The following ARMH3 variants were observed in gnomAD, a reference collection of about 807,000 sequenced individuals.
The protein encoded by ARMH3 is armadillo-like helical domain-containing protein 3.
A neutral mutation model predicts 99.1 loss-of-function variants in ARMH3; 60 were observed. The observed-to-expected ratio is 0.61, with a 90% CI of 0.49 to 0.75. The LOEUF (loss-of-function observed/expected upper bound fraction) is 0.75, where lower values mean the gene tolerates loss of function less well. Ranked by LOEUF, ARMH3 falls within the 30% of genes least tolerant of loss-of-function variation. The pLI is 0.00. For missense variants in ARMH3, 679 were observed against 843.1 expected (o/e 0.81, Z 2.41); for synonymous variants, 285 against 292.8 (o/e 0.97, Z 0.27).
intron 23 of ARMH3, 84 bp from the exon 24 acceptor site, chr10:101,889,574 G>A: frequency 8.0e-7 from 1 of 1,252,666 alleles, no homozygotes; most frequent in South Asian, 1.2e-5. Flanking sequence ...AGTACCCTCT[G>A]GTTTAGAGTA....
intron 13 of ARMH3, among the ~76,000 whole-genome samples, chr10:102,007,159 C>CAAAAAAAAAAAAAAAAAAAAAAAAA (rs10639768): frequency 3.3e-5 from 2 of 60,046 alleles, no homozygotes; most frequent in Non-Finnish European, 5.7e-5. Flanking sequence ...GACTCTATCT[C>CAAAAAAAAAAAAAAAAAAAAAAAAA]AAAAAAAAAA....
chr10:102,026,083 G>A (rs544757326), intron 5 of ARMH3, among the ~76,000 whole-genome samples: 3 of 152,228 alleles, frequency 2.0e-5, no homozygotes, highest in East Asian at 3.9e-4. Context: ...CCTGGTCTCC[G>A]CTTGGCAATG....
At position 101,854,100 on chromosome 10, in the gene ARMH3, G is replaced by A. The variant is rs191756130; in HGVS notation, c.1861-4208C>T. On this transcript the variant is annotated intron_variant, in intron 24 of 25. Transcript: ENST00000370033. ...TGCACTCCAGCCTGGGCAACAGAGC[G>A]AGACTCCGTCTCAAAAAAAAAGAAA... 1.9e-4 allele frequency among the ~76,000 whole-genome samples: 29 copies of A among 152,126 alleles called. No individual in the cohort carries two copies. The East Asian group carries it at 4.8e-3, about 25-fold the overall frequency.
chr10:101,995,833 C>T (rs1245380931), intron 15 of ARMH3, among the ~76,000 whole-genome samples: 2 of 152,200 alleles, frequency 1.3e-5, no homozygotes, highest in Admixed American at 1.3e-4. Context: ...TAGGGTCCAG[C>T]CCACGCTTCT....
intron 1 of ARMH3, among the ~76,000 whole-genome samples, chr10:102,044,813 AG>A (rs1463324989): frequency 6.6e-6 from 1 of 152,188 alleles, no homozygotes; most frequent in Non-Finnish European, 1.5e-5. Context: ...AAAAGAAAAA[AG>A]GAAGGGGAAA....
intron 15 of ARMH3, among the ~76,000 whole-genome samples, chr10:101,996,949 G>C (rs1847087402): frequency 6.6e-6 from 1 of 152,140 alleles, no homozygotes; most frequent in African/African-American, 2.4e-5. Context: ...AGTAATAAAG[G>C]CTTTAAAAGC....
intron 20 of ARMH3, among the ~76,000 whole-genome samples, chr10:101,962,022 CAG>C (rs1845319805): frequency 6.6e-6 from 1 of 152,182 alleles, no homozygotes; most frequent in Non-Finnish European, 1.5e-5. Context: ...AGGGCTAATA[CAG>C]GATTCTTCAC....
chr10:102,053,526 G>A (rs1440186976), intron 1 of ARMH3, among the ~76,000 whole-genome samples: 1 of 151,908 alleles, frequency 6.6e-6, no homozygotes, highest in Admixed American at 6.6e-5. Flanking sequence ...TAAGCCACCA[G>A]GCCGAGTAAA....
rs761340611 is a variant in ARMH3, at chr10:102,029,764, G to T, written c.307-19C>A. 1 of 1,604,218 alleles carries T rather than the reference G, an allele frequency of 6.2e-7. No homozygotes were observed. The highest frequency in any genetic ancestry group is 2.2e-5 in the East Asian group (1 of 44,676). On this transcript the variant is annotated intron_variant, in intron 4 of 25. Coordinates refer to ENST00000370033, the MANE Select transcript of ARMH3 (RefSeq NM_024541.3). ...ACAGGGTCTGCAGAAATGAGAGAAA[G>T]AATTCTTTCTGGAGAGGAAGTCTCA...
At chr10:101,909,433 G>A (rs1336407448) in intron 23 of ARMH3, among the ~76,000 whole-genome samples, 2 of 135,386 alleles carry the variant, frequency 1.5e-5, no homozygotes, top group Admixed American at 1.5e-4. Flanking sequence ...AAAAAAAAGA[G>A]ACCAGAGGAA....
chr10:101,929,576 G>A (rs1199347180), intron 23 of ARMH3, among the ~76,000 whole-genome samples: 1 of 152,110 alleles, frequency 6.6e-6, no homozygotes, highest in Non-Finnish European at 1.5e-5. Context: ...CAGTTGCATA[G>A]GAGTAACATT....
intron 24 of ARMH3, among the ~76,000 whole-genome samples, chr10:101,879,218 T>C (rs2135401191): frequency 6.6e-6 from 1 of 152,322 alleles, no homozygotes; most frequent in African/African-American, 2.4e-5. Context: ...AGCTCAGGCT[T>C]TGTAGTCAGA....
At chr10:102,050,337 T>C (rs1210965059) in intron 1 of ARMH3, among the ~76,000 whole-genome samples, 3 of 151,282 alleles carry the variant, frequency 2.0e-5, no homozygotes, top group Non-Finnish European at 4.4e-5. Context: ...TAGTCCCAGC[T>C]ACTCGGGAGG....
intron 19 of ARMH3, among the ~76,000 whole-genome samples, chr10:101,981,670 A>G (rs1362167109): frequency 6.6e-6 from 1 of 152,104 alleles, no homozygotes; most frequent in Non-Finnish European, 1.5e-5. Context: ...GTGGTCTTGC[A>G]GGAGCCTCTC....
intron 22 of ARMH3, among the ~76,000 whole-genome samples, chr10:101,954,757 G>C (rs546119775): frequency 1.2e-4 from 18 of 152,174 alleles, no homozygotes; most frequent in African/African-American, 4.1e-4. Flanking sequence ...ATAAAACAGA[G>C]CACTGAAACA....
At chr10:101,864,108 A>AC (rs1564699470) in intron 24 of ARMH3, among the ~76,000 whole-genome samples, 1 of 146,808 alleles carries the variant, frequency 6.8e-6, no homozygotes, top group Non-Finnish European at 1.5e-5. Flanking sequence ...CACACACACA[A>AC]AAACCAGACA....
At chr10:101,974,593 C>A (rs1317863716) in intron 20 of ARMH3, among the ~76,000 whole-genome samples, 1 of 152,168 alleles carries the variant, frequency 6.6e-6, no homozygotes, top group African/African-American at 2.4e-5. Flanking sequence ...GCACTTCCCC[C>A]CTGCAGGGGT....
At chr10:101,885,783 G>T (rs1023865418) in intron 24 of ARMH3, among the ~76,000 whole-genome samples, 14 of 152,256 alleles carry the variant, frequency 9.2e-5, no homozygotes, top group African/African-American at 3.4e-4. Context: ...GCTGGGCACA[G>T]TGGCTCACGC....
chr10:101,970,237 C>T (rs1845708004), intron 20 of ARMH3, among the ~76,000 whole-genome samples: 1 of 152,184 alleles, frequency 6.6e-6, no homozygotes, highest in African/African-American at 2.4e-5. Context: ...TAAAAGCAAT[C>T]CATGCACCTG....
Sources: allele counts gnomAD v4.1 joint callset (sites outside exome capture counted in the v4.1 genomes callset), GRCh38; gene constraint gnomAD v4.1.1; transcripts MANE v1.5; gene names NCBI Gene and HGNC (gene_info 2026-07-23, HGNC 2026-07-21).